Variants in ZPBP observed in about 807,000 individuals in gnomAD.
The protein encoded by ZPBP is zona pellucida-binding protein 1.
ZPBP carries 26 observed loss-of-function variants against 44.8 expected under a neutral mutation model. That is an observed-to-expected ratio of 0.58 (90% CI 0.43 to 0.81). The LOEUF (loss-of-function observed/expected upper bound fraction) is 0.81, where lower values mean the gene tolerates loss of function less well. Among genes scored for constraint, ZPBP ranks in the 30% least tolerant of loss-of-function variants. The probability of loss-of-function intolerance (pLI) is 0.00; values close to 1 mark genes in which losing one functional copy is unlikely to be tolerated. For synonymous variants in ZPBP, 174 were observed against 153.2 expected, an observed-to-expected ratio of 1.14 and a Z score of -1.00; for missense variants, 409 against 434.0, an observed-to-expected ratio of 0.94 and a Z score of 0.51.
chr7:50,089,219 T>G (rs909918932), intron 2 of ZPBP, among the ~76,000 whole-genome samples: 1 of 152,116 alleles, frequency 6.6e-6, no homozygotes, highest in African/African-American at 2.4e-5. Context: ...AAGAATTTTA[T>G]GGCATGTGAA....
intron 1 of ZPBP, chr7:49,912,094 A>G: frequency 6.2e-7 from 1 of 1,614,166 alleles, no homozygotes; most frequent in South Asian, 1.1e-5. Context: ...AAGACTGACG[A>G]GTGCACCATA....
chr7:49,982,309 TTATATAATATATAATTATATAA>T, intron 7 of ZPBP, among the ~76,000 whole-genome samples: 1 of 17,428 alleles, frequency 5.7e-5, no homozygotes, highest in East Asian at 4.3e-3. Context: ...TAATATATAA[TTATATAATATATAATTATATAA>T]TATATAATAC....
At chr7:49,975,259 G>T (rs185790635) in intron 7 of ZPBP, among the ~76,000 whole-genome samples, 5 of 152,076 alleles carry the variant, frequency 3.3e-5, no homozygotes, top group African/African-American at 1.2e-4. Context: ...GTGCTAACTG[G>T]CATGTTCCCA....
intron 2 of ZPBP, among the ~76,000 whole-genome samples, chr7:49,869,501 TG>T (rs1242666384): frequency 6.6e-6 from 1 of 152,218 alleles, no homozygotes; most frequent in East Asian, 1.9e-4. Context: ...GTAGGTGCTA[TG>T]GTTGCTGTAT....
intron 7 of ZPBP, among the ~76,000 whole-genome samples, chr7:49,981,284 T>A (rs1217967246): frequency 1.2e-5 from 1 of 81,780 alleles, no homozygotes; most frequent in Non-Finnish European, 2.2e-5. Context: ...TAATATATAT[T>A]ATATAATATA....
intron 1 of ZPBP, among the ~76,000 whole-genome samples, chr7:49,931,703 A>G (rs893267360): frequency 1.3e-5 from 2 of 152,380 alleles, no homozygotes; most frequent in African/African-American, 4.8e-5. Context: ...AGAAATTTGC[A>G]TAAGTACTGA....
chr7:49,974,677 C>CA (rs1226082645), intron 7 of ZPBP, among the ~76,000 whole-genome samples: 2 of 151,956 alleles, frequency 1.3e-5, no homozygotes, highest in Non-Finnish European at 2.9e-5. Flanking sequence ...AACACAGAAA[C>CA]AATTGTCACA....
intron 1 of ZPBP, among the ~76,000 whole-genome samples, chr7:49,922,181 C>A (rs1794045927): frequency 6.6e-6 from 1 of 152,070 alleles, no homozygotes; most frequent in African/African-American, 2.4e-5. Context: ...GAAGTAGCAT[C>A]TATAATATAA....
intron 7 of ZPBP, chr7:49,943,378 C>CA: frequency 2.7e-6 from 1 of 370,766 alleles, no homozygotes; most frequent in Non-Finnish European, 5.2e-6. Context: ...ACCAACATAT[C>CA]AAGGTAATGT....
chr7:49,957,112 C>T (rs1795635016), intron 7 of ZPBP, among the ~76,000 whole-genome samples: 1 of 152,174 alleles, frequency 6.6e-6, no homozygotes, highest in African/African-American at 2.4e-5. Context: ...CTGTCTCACG[C>T]CCTCTCTTTG....
chr7:50,071,012 G>C (rs751206691), intron 3 of ZPBP, among the ~76,000 whole-genome samples: 36 of 152,212 alleles, frequency 2.4e-4, no homozygotes, highest in Non-Finnish European at 4.4e-4. Context: ...GGGGAACTGG[G>C]TTTTCTTACA....
intron 4 of ZPBP, among the ~76,000 whole-genome samples, chr7:50,031,516 C>T (rs1201155814): frequency 1.3e-5 from 2 of 152,112 alleles, no homozygotes; most frequent in African/African-American, 4.8e-5. Context: ...AATAGTGACT[C>T]ATTTGAATCT....
At chr7:50,060,000 AC>A (rs1412780260) in intron 3 of ZPBP, among the ~76,000 whole-genome samples, 2 of 152,136 alleles carry the variant, frequency 1.3e-5, no homozygotes, top group African/African-American at 4.8e-5. Context: ...GAGGGAGGAC[AC>A]AGATCCTGGA....
rs143712543 is a variant in ZPBP, at chr7:50,070,850, G to A, written c.334+10924C>T. 2.9e-3 allele frequency among the ~76,000 whole-genome samples: 446 copies of A among 152,222 alleles called. 1 individual carries two copies. The highest frequency in any genetic ancestry group is 9.7e-3 in the African/African-American group (403 of 41,552). ...CTTTTCAAGGAAAAACATGTTTTAC[G>A]ACTTGAGTTTATCTGTCTAGTGACC... On this transcript the variant is annotated intron_variant, in intron 3 of 7. Coordinates refer to ENST00000046087, the MANE Select transcript of ZPBP (RefSeq NM_007009.3).
Position 50,078,643 on chromosome 7 carries a change from A to G in ZPBP, c.334+3131T>C, listed in dbSNP as rs558381811. Reference sequence around the variant, plus strand: ...AAATCTAGGAAACACCACTCTGAACATAGGCACTGGCAAAGCTTTCATGAA... The same window carrying G: ...AAATCTAGGAAACACCACTCTGAACGTAGGCACTGGCAAAGCTTTCATGAA... On this transcript the variant is annotated intron_variant, in intron 3 of 7. Coordinates refer to ENST00000046087, the MANE Select transcript of ZPBP (RefSeq NM_007009.3). Among the ~76,000 whole-genome samples, 5 of 151,768 alleles carry G rather than the reference A, an allele frequency of 3.3e-5. 1 individual carries two copies. The South Asian group carries it at 1.0e-3, about 31-fold the overall frequency.
Position 49,872,267 on chromosome 7 carries a change from A to G in ZPBP, n.510-21753T>C, listed in dbSNP as rs1192718388. 2.6e-5 allele frequency among the ~76,000 whole-genome samples: 4 copies of G among 152,142 alleles called. No homozygotes were observed. In the East Asian group the frequency reaches 7.7e-4, roughly 29 times the overall value. ...ACAGAGGGGCTACTGTTGAAGAGACAGTGACTGAGGATTTTTGAGAAAAAA... is the reference window on the plus strand; with the variant it reads ...ACAGAGGGGCTACTGTTGAAGAGACGGTGACTGAGGATTTTTGAGAAAAAA... On this transcript the variant is annotated intron_variant and non_coding_transcript_variant, in intron 2 of 2. Coordinates refer to the ZPBP transcript ENST00000465922.
At chr7:50,017,575 A>G (rs1223286135) in intron 6 of ZPBP, among the ~76,000 whole-genome samples, 1 of 152,172 alleles carries the variant, frequency 6.6e-6, no homozygotes, top group Non-Finnish European at 1.5e-5. Flanking sequence ...CAATTTCACT[A>G]GGCAAAAATA....
At chr7:49,981,704 T>C (rs192754441) in intron 7 of ZPBP, among the ~76,000 whole-genome samples, 28,012 of 83,498 alleles carry the variant, frequency 0.34, 5,135 homozygotes, top group Non-Finnish European at 0.4. Context: ...TAATTATATA[T>C]AATATATTAT....
chr7:49,889,639 C>T (rs1198102120), intron 2 of ZPBP, among the ~76,000 whole-genome samples: 1 of 152,128 alleles, frequency 6.6e-6, no homozygotes, highest in African/African-American at 2.4e-5. Flanking sequence ...CCATGCAGAC[C>T]CTTTTTGCTC....
Sources: allele counts gnomAD v4.1 joint callset (sites outside exome capture counted in the v4.1 genomes callset), GRCh38; gene constraint gnomAD v4.1.1; transcripts MANE v1.5; gene names NCBI Gene and HGNC (gene_info 2026-07-23, HGNC 2026-07-21).